PCDHGA6: variants seen among roughly 807,000 people sequenced by gnomAD.
PCDHGA6 encodes protocadherin gamma-A6.
A neutral mutation model predicts 60.6 loss-of-function variants in PCDHGA6; 41 were observed. That is an observed-to-expected ratio of 0.68 (90% confidence interval 0.53 to 0.88). The LOEUF (loss-of-function observed/expected upper bound fraction) is 0.88. Among genes scored for constraint, PCDHGA6 ranks in the 40% least tolerant of loss-of-function variants. PCDHGA6 has a pLI of 0.00. For missense variants in PCDHGA6, 1,312 were observed against 1,203.0 expected (o/e 1.09, Z -1.34); for synonymous variants, 594 against 524.4 (o/e 1.13, Z -1.81).
In PCDHGA6 at chr5:141,477,491, C is replaced by T; in HGVS notation, c.2425-17316C>T. 1 of 1,614,154 alleles carries T rather than the reference C, an allele frequency of 6.2e-7. No homozygotes were observed. The highest frequency in any genetic ancestry group is 8.5e-7 in the Non-Finnish European group (1 of 1,180,022). On this transcript the variant is annotated intron_variant, in intron 1 of 3. Coordinates refer to ENST00000517434, the MANE Select transcript of PCDHGA6 (RefSeq NM_018919.3). The surrounding 1 kb of genome is among the most constrained non-coding windows in gnomAD (Gnocchi z 4.9). ...CAATGACAACCCTCCACAATCTTCT[C>T]AATCTTCCTACGACGTTTACATTGA...
intron 1 of PCDHGA6, chr5:141,383,669 T>C (rs1208890643): frequency 1.2e-6 from 2 of 1,613,784 alleles, no homozygotes; most frequent in Non-Finnish European, 1.7e-6. Flanking sequence ...AATGTGCCAG[T>C]GGGTACAAGA....
intron 1 of PCDHGA6, chr5:141,478,260 T>C (rs1340624663): frequency 6.2e-7 from 1 of 1,614,182 alleles, no homozygotes; most frequent in East Asian, 2.2e-5. Context: ...GTAATCATAT[T>C]CAAAGTTTAC....
chr5:141,501,326 CA>C (rs1562200763), intron 2 of PCDHGA6, among the ~76,000 whole-genome samples: 18 of 151,784 alleles, frequency 1.2e-4, no homozygotes, highest in African/African-American at 1.9e-4. Flanking sequence ...CACACACACA[CA>C]CACACACCCC....
Position 141,383,923 on chromosome 5 carries a change from G to T in PCDHGA6, c.2424+7416G>T, listed in dbSNP as rs201582947. On this transcript the variant is annotated intron_variant, in intron 1 of 3. Coordinates refer to ENST00000517434, the MANE Select transcript of PCDHGA6 (RefSeq NM_018919.3). ...ACTGATCACAGTTTTAGATGTAAAT[G>T]ATAATGCTCCAGAAGTGACTATGAC... 169 of 1,613,826 alleles carry T rather than the reference G, an allele frequency of 1.0e-4. No homozygotes were observed. Among genetic ancestry groups the T allele is most frequent in the Non-Finnish European group, 1.3e-4 (156 of 1,179,886 alleles).
chr5:141,480,065 A>G (rs2099511928), intron 1 of PCDHGA6, among the ~76,000 whole-genome samples: 1 of 152,220 alleles, frequency 6.6e-6, no homozygotes, highest in Non-Finnish European at 1.5e-5. Flanking sequence ...TAAGTGTTTT[A>G]TAAGATTCAT....
intron 1 of PCDHGA6, among the ~76,000 whole-genome samples, chr5:141,456,842 A>G (rs1374546355): frequency 6.6e-6 from 1 of 152,150 alleles, no homozygotes; most frequent in African/African-American, 2.4e-5. Flanking sequence ...GGGCGCCTGT[A>G]ATCCCAGCTA....
At chr5:141,460,616 T>C (rs905095529) in intron 1 of PCDHGA6, among the ~76,000 whole-genome samples, 8 of 152,114 alleles carry the variant, frequency 5.3e-5, no homozygotes, top group Non-Finnish European at 7.4e-5. Context: ...GATGGATAGA[T>C]AGACAGATAC....
chr5:141,468,549 C>T (rs1289802190), intron 1 of PCDHGA6: 2 of 151,940 alleles, frequency 1.3e-5, no homozygotes, highest in Non-Finnish European at 2.9e-5. Flanking sequence ...ACATATTTAA[C>T]ATTTGTGATA....
intron 1 of PCDHGA6, chr5:141,400,383 T>C (rs1267422491): frequency 6.2e-7 from 1 of 1,614,088 alleles, no homozygotes. Flanking sequence ...ACCTATGTGT[T>C]GCACATACAG....
In PCDHGA6 at chr5:141,415,753, T is replaced by G. The variant is rs763784703; in HGVS notation, c.2424+39246T>G. On this transcript the variant is annotated intron_variant, in intron 1 of 3. Transcript: ENST00000517434. The stretch of plus-strand genomic sequence containing the variant: ...ATGTTTATTAAGGTTTTTTTTTTTT[T>G]TTTTTTTTTTTTTTTTTTTACTTTC... 6.3e-5 allele frequency: 87 copies of G among 1,381,374 alleles called. 1 individual carries two copies. The highest frequency in any genetic ancestry group is 3.3e-4 in the Admixed American group (10 of 29,906). 85.6% of individuals were successfully genotyped at this position (1,381,374 alleles called of 1,614,324 possible).
chr5:141,377,575 G>C (rs2150112851), intron 1 of PCDHGA6: 1 of 150,404 alleles, frequency 6.6e-6, no homozygotes, highest in African/African-American at 2.4e-5. Context: ...TAGCCTGGGA[G>C]ACAGAATGAG....
chr5:141,419,461 C>T, intron 1 of PCDHGA6: 2 of 1,612,628 alleles, frequency 1.2e-6, no homozygotes, highest in Non-Finnish European at 1.7e-6. Flanking sequence ...CGCTGCAGGC[C>T]CGCGACCAGG....
chr5:141,504,988 C>T (rs886919738), intron 2 of PCDHGA6, among the ~76,000 whole-genome samples: 2 of 152,036 alleles, frequency 1.3e-5, no homozygotes, highest in African/African-American at 4.8e-5. Context: ...ATGGTGAAAC[C>T]CCGTCTGTAC....
chr5:141,395,080 A>G, intron 1 of PCDHGA6: 1 of 1,614,088 alleles, frequency 6.2e-7, no homozygotes, highest in Non-Finnish European at 8.5e-7. Flanking sequence ...TATTCCCAGG[A>G]AGTCTCCCTC....
intron 1 of PCDHGA6, chr5:141,430,905 C>T: frequency 6.2e-7 from 1 of 1,606,922 alleles, no homozygotes; most frequent in Non-Finnish European, 8.5e-7. Context: ...GGCGACATCT[C>T]CAGGGACCTG....
intron 1 of PCDHGA6, among the ~76,000 whole-genome samples, chr5:141,451,107 C>G (rs768308463): frequency 1.2e-4 from 18 of 152,118 alleles, no homozygotes; most frequent in Non-Finnish European, 2.4e-4. Context: ...GGATTACAGG[C>G]GTGAGCCACC....
intron 1 of PCDHGA6, among the ~76,000 whole-genome samples, chr5:141,470,854 A>G (rs553276517): frequency 6.6e-6 from 1 of 152,028 alleles, no homozygotes; most frequent in Admixed American, 6.6e-5. Context: ...TGCTCAGATA[A>G]GTTTTTTGTT....
At chr5:141,463,335 A>G (rs565781645) in intron 1 of PCDHGA6, among the ~76,000 whole-genome samples, 3 of 149,628 alleles carry the variant, frequency 2.0e-5, no homozygotes, top group South Asian at 2.1e-4. Context: ...CAGCAAAACC[A>G]TGGTGTTATT....
chr5:141,486,722 G>C lies in PCDHGA6; in HGVS notation c.2425-8085G>C, dbSNP rs1235454839. The C allele has an allele frequency of 6.2e-7, 1 of 1,614,200 alleles. No homozygotes were observed. Among genetic ancestry groups the C allele is most frequent in the East Asian group, 2.2e-5 (1 of 44,874 alleles). ...CTCTCTGAACCCCCAGACAGGAGCT[G>C]TTCATGCTACTCGATCCTTTGACTA... On this transcript the variant is annotated intron_variant, in intron 1 of 3. Transcript: ENST00000517434. This position sits in a 1 kb window ranked among gnomAD's most constrained non-coding sequence, Gnocchi z 5.0.
Sources: allele counts gnomAD v4.1 joint callset (sites outside exome capture counted in the v4.1 genomes callset), GRCh38; gene constraint gnomAD v4.1.1; non-coding constraint Gnocchi (gnomAD v3.1); transcripts MANE v1.5; gene names NCBI Gene and HGNC (gene_info 2026-07-23, HGNC 2026-07-21).